The following PDLIM2 variants were observed in gnomAD, a reference collection of about 807,000 sequenced individuals.
The protein encoded by PDLIM2 is PDZ and LIM domain protein 2.
A neutral mutation model predicts 54.1 loss-of-function variants in PDLIM2; 51 were observed. The observed-to-expected ratio is 0.94, with a 90% CI of 0.75 to 1.19. The LOEUF (loss-of-function observed/expected upper bound fraction) is 1.19. Among genes scored for constraint, PDLIM2 ranks in the 50% most tolerant of loss-of-function variants. The probability of loss-of-function intolerance (pLI) is 0.00; values close to 1 mark genes in which losing one functional copy is unlikely to be tolerated. For synonymous variants in PDLIM2, 398 were observed against 385.6 expected, an observed-to-expected ratio of 1.03 and a Z score of -0.38; for missense variants, 912 against 874.0, an observed-to-expected ratio of 1.04 and a Z score of -0.55.
At chr8:22,597,120 C>T (rs1411321246), downstream of PDLIM2, 1 of 152,318 alleles carries the variant, frequency 6.6e-6, no homozygotes, top group Non-Finnish European at 1.5e-5. Context: ...AGGAAACCCA[C>T]TTCCTGAAGC....
At chr8:22,585,091 G>T (rs571740434) in exon 5 of PDLIM2, 3 of 1,613,832 alleles carry the variant, frequency 1.9e-6, no homozygotes, top group African/African-American at 1.3e-5. Flanking sequence ...CCCTCAGCCC[G>T]AGGGCCGGCA....
chr8:22,579,720 G>T (rs1230495124), intron 1 of PDLIM2: 3 of 589,292 alleles, frequency 5.1e-6, no homozygotes, highest in Non-Finnish European at 7.9e-6. Flanking sequence ...GGGCAGGGTG[G>T]TGCCCAGCCT....
exon 5 of PDLIM2, chr8:22,585,074 C>G (rs1800335021): frequency 1.2e-6 from 2 of 1,614,044 alleles, no homozygotes; most frequent in Non-Finnish European, 1.7e-6. Context: ...CTACTCCAGC[C>G]CAACCTCCCT....
At chr8:22,588,940 A>C in intron 6 of PDLIM2, 1 of 348,726 alleles carries the variant, frequency 2.9e-6, no homozygotes, top group Non-Finnish European at 5.2e-6. Flanking sequence ...GCCAGGCCCC[A>C]GTGTGCAATG....
intron 9 of PDLIM2, chr8:22,591,952 G>C (rs1289198621): frequency 6.6e-6 from 2 of 304,218 alleles, no homozygotes; most frequent in East Asian, 5.9e-5. Context: ...AGATCTGCCC[G>C]GAGGTACAGC....
chr8:22,580,673 CCA>C lies in PDLIM2; in HGVS notation c.823_824del (p.Thr275AlafsTer6). Reference sequence around the variant, plus strand: ...TCCGTATCACAGGGGGCAGGGATTTCCACACGCCCATCATGGTGACTAAGGTA... The same window carrying C: ...TCCGTATCACAGGGGGCAGGGATTTCCACGCCCATCATGGTGACTAAGGTA... On this transcript the variant is annotated frameshift_variant, in exon 2 of 10. Transcript: ENST00000308354. LOFTEE classifies it high-confidence loss of function. 1 of 1,614,082 alleles carries C rather than the reference CCA, an allele frequency of 6.2e-7. No homozygotes were observed. Among genetic ancestry groups the C allele is most frequent in the Non-Finnish European group, 8.5e-7 (1 of 1,180,010 alleles).
intron 1 of PDLIM2, 108 bp from the exon 1 acceptor site, chr8:22,580,367 G>A (rs1337533238): frequency 4.8e-6 from 5 of 1,052,420 alleles, no homozygotes; most frequent in Admixed American, 3.1e-5. Flanking sequence ...CGCTCCCTGG[G>A]CTGAAGACTA....
chr8:22,580,527 C>A, intron 1 of PDLIM2: 3 of 1,609,012 alleles, frequency 1.9e-6, no homozygotes, highest in African/African-American at 1.3e-5. Context: ...CCCTTTGGCT[C>A]CTCTCCTGCT....
At chr8:22,593,891 C>T in exon 10 of PDLIM2, 1 of 1,548,982 alleles carries the variant, frequency 6.5e-7, no homozygotes, top group Non-Finnish European at 8.7e-7. Context: ...GCACCTGCCA[C>T]CCTCAGCTCT....
chr8:22,581,438 C>T (rs769120322), exon 3 of PDLIM2: 4 of 1,608,498 alleles, frequency 2.5e-6, no homozygotes, highest in Admixed American at 1.7e-5. Flanking sequence ...TAATCGTGGC[C>T]ATCAACGGGG....
intron 6 of PDLIM2, among the ~76,000 whole-genome samples, chr8:22,586,588 T>C (rs750025373): frequency 1.1e-4 from 17 of 151,942 alleles, no homozygotes; most frequent in African/African-American, 2.2e-4. Context: ...GGCTGATGTA[T>C]TGGGGCTGGG....
At position 22,580,302 on chromosome 8, in the gene PDLIM2, C is replaced by A. The variant is rs577487311; in HGVS notation, c.749-301C>A. ...CCCCTCCACTTGCCAGCCCCTGCCC[C>A]CCATGCTCCAGCAAGCCCCCTGCCT... On this transcript the variant is annotated intron_variant, in intron 1 of 9. Coordinates refer to ENST00000308354, the Ensembl canonical transcript of PDLIM2. 9.1e-4 allele frequency: 422 copies of A among 464,556 alleles called. 1 individual carries two copies. The highest frequency in any genetic ancestry group is 8.9e-3 in the South Asian group (416 of 46,644). The allele number at this position is 464,556 out of a possible 1,614,324, so 28.8% of individuals were successfully genotyped here. A position where few individuals can be genotyped will look rare whatever the true frequency, so the allele number is the denominator to read the frequency against.
chr8:22,591,951 C>T lies in PDLIM2; in HGVS notation c.1631+283C>T, dbSNP rs560757874. ...ATTTCAAAGCCTCTGGAGATCTGCC[C>T]GGAGGTACAGCACATCCTCTTGGAA... On this transcript the variant is annotated intron_variant, in intron 9 of 9. Transcript: ENST00000308354. 14 of 303,232 alleles carry T rather than the reference C, an allele frequency of 4.6e-5. No individual in the cohort carries two copies. In the South Asian group the frequency reaches 7.5e-4, roughly 16 times the overall value. The allele number at this position is 303,232 out of a possible 1,614,324, so 18.8% of individuals were successfully genotyped here. A position where few individuals can be genotyped will look rare whatever the true frequency, so the allele number is the denominator to read the frequency against.
chr8:22,582,837 C>T (rs942492940), intron 3 of PDLIM2, among the ~76,000 whole-genome samples: 1 of 152,010 alleles, frequency 6.6e-6, no homozygotes, highest in Non-Finnish European at 1.5e-5. Flanking sequence ...GCCTCAGCCT[C>T]CCAAAGTGCT....
chr8:22,578,814 G>A, exon 1 of PDLIM2: 2 of 1,234,464 alleles, frequency 1.6e-6, no homozygotes, highest in Non-Finnish European at 2.0e-6. Context: ...GCGTGGGAGA[G>A]CTTTATGGGG....
chr8:22,591,216 T>C (rs913699354), intron 8 of PDLIM2: 8 of 330,482 alleles, frequency 2.4e-5, no homozygotes, highest in African/African-American at 1.5e-4. Flanking sequence ...ACCGAGGCAT[T>C]GCGCTCCTGT....
intron 1 of PDLIM2, chr8:22,580,234 A>G (rs1277340908): frequency 5.8e-6 from 2 of 342,850 alleles, no homozygotes; most frequent in Non-Finnish European, 1.1e-5. Context: ...AGTGGGACTG[A>G]GCCCTGATGG....
chr8:22,591,112 A>G (rs1800531362), intron 8 of PDLIM2: 1 of 220,488 alleles, frequency 4.5e-6, no homozygotes, highest in Non-Finnish European at 9.2e-6. Context: ...TTAGCTGCAG[A>G]CGGGCGACAG....
chr8:22,584,625 T>C (rs1229617379), intron 3 of PDLIM2, among the ~76,000 whole-genome samples, 196 bp from the exon 3 acceptor site: 2 of 152,238 alleles, frequency 1.3e-5, no homozygotes, highest in Non-Finnish European at 2.9e-5. Flanking sequence ...GTCCTTTCTT[T>C]TAAGGAACCA....
Sources: allele counts gnomAD v4.1 joint callset (sites outside exome capture counted in the v4.1 genomes callset), GRCh38; gene constraint gnomAD v4.1.1; transcripts MANE v1.5; gene names NCBI Gene and HGNC (gene_info 2026-07-23, HGNC 2026-07-21).